Variants in NINL observed in about 807,000 individuals in gnomAD.
NINL encodes ninein-like protein.
NINL carries 153 observed loss-of-function variants against 160.3 expected under a neutral mutation model. That is an observed-to-expected ratio of 0.95 (90% CI 0.84 to 1.09). The LOEUF is 1.09. Among genes scored for constraint, NINL ranks in the 50% least tolerant of loss-of-function variants. The pLI is 0.00. For synonymous variants in NINL, 800 were observed against 734.8 expected (o/e 1.09, Z -1.43); for missense variants, 1,829 against 1,764.0 (o/e 1.04, Z -0.66).
chr20:25,492,299 G>A (rs1323821591), intron 10 of NINL, among the ~76,000 whole-genome samples: 1 of 152,060 alleles, frequency 6.6e-6, no homozygotes, highest in Admixed American at 6.5e-5. Flanking sequence ...AATCTTTTGG[G>A]GTAGTGTTAA....
rs2090584261 is a variant in NINL, at chr20:25,453,509, T to C, written c.4091A>G (p.Lys1364Arg). The C allele has an allele frequency of 6.2e-7, 1 of 1,614,070 alleles. No individual in the cohort carries two copies. The highest frequency in any genetic ancestry group is 2.2e-5 in the East Asian group (1 of 44,874). ...GACGAGTTTGTTGAGAGCGCGAACT[T>C]TTTCTTCCAAGAGGCGGCTTTGTTT... ...AEKQSRLLEE[K>R]VRALNKLVSR... is the part of the protein sequence containing the mutation. Residue 1364 changes from lysine to arginine, a missense_variant, in exon 24 of 24, where the codon AAA (lysine) becomes AGA (arginine). Coordinates refer to ENST00000278886, the MANE Select transcript of NINL (RefSeq NM_025176.6).
At chr20:25,454,056 C>CAA (rs3215515) in intron 23 of NINL, among the ~76,000 whole-genome samples, 4 of 144,322 alleles carry the variant, frequency 2.8e-5, no homozygotes, top group Admixed American at 1.4e-4. Flanking sequence ...ACTCTGTCTC[C>CAA]AAAAAAAAAA....
At chr20:25,468,920 G>A (rs1437707538) in intron 18 of NINL, among the ~76,000 whole-genome samples, 12 of 144,466 alleles carry the variant, frequency 8.3e-5, no homozygotes, top group Non-Finnish European at 1.0e-4. Flanking sequence ...TCACTGGTGG[G>A]TGCCCCACTG....
chr20:25,525,195 C>T (rs889393267), intron 2 of NINL, among the ~76,000 whole-genome samples: 7 of 152,136 alleles, frequency 4.6e-5, no homozygotes, highest in Admixed American at 1.3e-4. Flanking sequence ...GGCACAGTGC[C>T]CTGCTGACAG....
intron 1 of NINL, chr20:25,540,019 TA>T (rs1568954096): frequency 1.6e-6 from 2 of 1,288,574 alleles, no homozygotes; most frequent in Non-Finnish European, 2.0e-6. Flanking sequence ...ACACACTGTT[TA>T]CCTGCGCAGT....
intron 10 of NINL, among the ~76,000 whole-genome samples, chr20:25,495,074 C>T (rs1253227252): frequency 2.0e-5 from 3 of 152,122 alleles, no homozygotes; most frequent in Non-Finnish European, 2.9e-5. Flanking sequence ...CGTGAGGCGA[C>T]CCCTGGTGCA....
intron 1 of NINL, among the ~76,000 whole-genome samples, chr20:25,535,192 C>A (rs1254557491): frequency 6.6e-6 from 1 of 152,158 alleles, no homozygotes; most frequent in Admixed American, 6.5e-5. Flanking sequence ...ACAGACCTTA[C>A]TCAGATGTGG....
chr20:25,527,475 C>T (rs566165529), intron 1 of NINL, among the ~76,000 whole-genome samples: 19 of 151,952 alleles, frequency 1.3e-4, no homozygotes, highest in East Asian at 1.9e-4. Context: ...TCTGTACACA[C>T]GTACAAATGT....
chr20:25,464,107 C>T (rs1245367309), intron 19 of NINL, among the ~76,000 whole-genome samples: 1 of 152,190 alleles, frequency 6.6e-6, no homozygotes, highest in Non-Finnish European at 1.5e-5. Context: ...CTTCTATTCA[C>T]CTTTAACATT....
Position 25,547,799 on chromosome 20 carries a change from C to T in NINL, c.-11-21201G>A, listed in dbSNP as rs567928924. ...CTGGGGAACACAACTTGGCCCACAG[C>T]AGACTGGCACTCTGTTGATGAAGCC... On this transcript the variant is annotated intron_variant, in intron 1 of 23. Coordinates refer to ENST00000278886, the MANE Select transcript of NINL (RefSeq NM_025176.6). Among the ~76,000 whole-genome samples the T allele has an allele frequency of 3.9e-5, 6 of 152,314 alleles. No individual in the cohort carries two copies. In the South Asian group the frequency reaches 1.2e-3, roughly 32 times the overall value.
Position 25,480,144 on chromosome 20 carries a change from C to A in NINL, c.1917+17G>T, listed in dbSNP as rs1205576932. 6.3e-7 allele frequency: 1 copy of A among 1,593,054 alleles called. No individual in the cohort carries two copies. Among genetic ancestry groups the A allele is most frequent in the Non-Finnish European group, 8.6e-7 (1 of 1,161,042 alleles). On this transcript the variant is annotated intron_variant, in intron 15 of 23. Coordinates refer to ENST00000278886, the MANE Select transcript of NINL (RefSeq NM_025176.6). ...CAGCTACTCCCCCAGGGCCCCACAG[C>A]CCCATAATCCCCTCACCTTGGTCTC...
rs370335003 is a variant in NINL at position 25,482,901 on chromosome 20, G to A, written c.1678-801C>T. Reference sequence around the variant, plus strand: ...TAGCCGGGCATGGTGGCATGCGCCTGTAATCTCAGCTACTTGGGAGGCTGA... The same window carrying A: ...TAGCCGGGCATGGTGGCATGCGCCTATAATCTCAGCTACTTGGGAGGCTGA... On this transcript the variant is annotated intron_variant, in intron 13 of 23. Transcript: ENST00000278886. Among the ~76,000 whole-genome samples the A allele has an allele frequency of 7.2e-5, 11 of 151,784 alleles. No individual in the cohort carries two copies. The East Asian group carries it at 9.7e-4, about 13-fold the overall frequency.
At chr20:25,512,162 G>C (rs917469154) in intron 4 of NINL, among the ~76,000 whole-genome samples, 1 of 152,174 alleles carries the variant, frequency 6.6e-6, no homozygotes, top group Non-Finnish European at 1.5e-5. Context: ...GGGGGACAGG[G>C]AAGCAACTTC....
At chr20:25,499,319 T>A (rs1345158122) in intron 8 of NINL, 1 of 816,382 alleles carries the variant, frequency 1.2e-6, no homozygotes, top group Non-Finnish European at 1.5e-6. Context: ...GCTGACTGAG[T>A]TGCAAGGCAG....
At chr20:25,563,913 C>T (rs1005210990) in intron 1 of NINL, among the ~76,000 whole-genome samples, 1 of 152,088 alleles carries the variant, frequency 6.6e-6, no homozygotes, top group Non-Finnish European at 1.5e-5. Context: ...CAACAAAATA[C>T]ATAAAGCCAA....
At chr20:25,549,634 T>C (rs1246515160) in intron 1 of NINL, among the ~76,000 whole-genome samples, 1 of 152,224 alleles carries the variant, frequency 6.6e-6, no homozygotes, top group Non-Finnish European at 1.5e-5. Context: ...CAGCTCATCA[T>C]GCACGAGTGG....
intron 1 of NINL, among the ~76,000 whole-genome samples, chr20:25,569,983 A>G (rs115046173): frequency 0.027 from 4,117 of 152,128 alleles, 186 homozygotes; most frequent in African/African-American, 0.091. Context: ...GATGGAGGCC[A>G]GCCTGGCCAA....
chr20:25,551,979 G>C lies in NINL; in HGVS notation c.-11-25381C>G, dbSNP rs2064811746. Among the ~76,000 whole-genome samples the C allele has an allele frequency of 2.0e-5, 3 of 152,298 alleles. No individual in the cohort carries two copies. In the South Asian group the frequency reaches 6.2e-4, roughly 32 times the overall value. On this transcript the variant is annotated intron_variant, in intron 1 of 23. Coordinates refer to ENST00000278886, the MANE Select transcript of NINL (RefSeq NM_025176.6). ...GTCCCTGTGAGCAATTTGTGAGGGA[G>C]GCCATCGGGAGGTATACAGCCTTTT... is the stretch of plus-strand genomic sequence containing the variant.
intron 1 of NINL, among the ~76,000 whole-genome samples, chr20:25,549,128 C>A (rs111639436): frequency 9.9e-6 from 1 of 100,828 alleles, no homozygotes; most frequent in African/African-American, 4.1e-5. Flanking sequence ...CCCACGGCCA[C>A]ACCTCCCACA....
Sources: allele counts gnomAD v4.1 joint callset (sites outside exome capture counted in the v4.1 genomes callset), GRCh38; gene constraint gnomAD v4.1.1; transcripts MANE v1.5; gene names NCBI Gene and HGNC (gene_info 2026-07-23, HGNC 2026-07-21).